The following NRXN1 variants were observed in gnomAD, a reference collection of about 807,000 sequenced individuals.
NRXN1 encodes the protein neurexin-1.
Under a neutral mutation model 150.9 loss-of-function variants are expected in NRXN1, and 39 were observed. The observed-to-expected ratio is 0.26, with a 90% CI of 0.20 to 0.34. The LOEUF (loss-of-function observed/expected upper bound fraction) is 0.34, where lower values mean the gene tolerates loss of function less well. Among genes scored for constraint, NRXN1 ranks in the 10% least tolerant of loss-of-function variants. NRXN1 has a pLI of 1.00. For missense variants in NRXN1, 1,815 were observed against 1,949.9 expected, an observed-to-expected ratio of 0.93 and a Z score of 1.30; for synonymous variants, 924 against 757.0, an observed-to-expected ratio of 1.22 and a Z score of -3.62.
At chr2:50,946,550 T>A (rs1690421634) in intron 2 of NRXN1, among the ~76,000 whole-genome samples, 1 of 152,188 alleles carries the variant, frequency 6.6e-6, no homozygotes, top group Non-Finnish European at 1.5e-5. Flanking sequence ...ACTGCCCTAC[T>A]AAACTTACAT....
At chr2:50,045,035 T>A (rs908112460) in intron 21 of NRXN1, among the ~76,000 whole-genome samples, 3 of 152,146 alleles carry the variant, frequency 2.0e-5, no homozygotes, top group African/African-American at 7.2e-5. Context: ...ATAACAAGAA[T>A]ACAGTGAAAG....
chr2:50,017,365 C>T (rs1046273709), intron 21 of NRXN1, among the ~76,000 whole-genome samples: 2 of 152,118 alleles, frequency 1.3e-5, no homozygotes, highest in African/African-American at 2.4e-5. Context: ...TAAACTGCCC[C>T]CTTGTCTCCA....
chr2:50,464,184 T>G (rs970159115), intron 17 of NRXN1, among the ~76,000 whole-genome samples: 4 of 151,816 alleles, frequency 2.6e-5, no homozygotes, highest in Non-Finnish European at 5.9e-5. Flanking sequence ...ATAGTTTGAA[T>G]ACATGTTTAT....
At chr2:50,074,418 G>A (rs1206640356) in intron 19 of NRXN1, among the ~76,000 whole-genome samples, 2 of 152,050 alleles carry the variant, frequency 1.3e-5, no homozygotes, top group Admixed American at 1.3e-4. Context: ...GAACATTCCA[G>A]ATTCAAATAT....
chr2:50,844,650 T>A (rs72838778), intron 5 of NRXN1, among the ~76,000 whole-genome samples: 11,250 of 152,280 alleles, frequency 0.074, 526 homozygotes, highest in Middle Eastern at 0.14. Flanking sequence ...ATTATGATAA[T>A]CCTTCCTGAA....
intron 18 of NRXN1, among the ~76,000 whole-genome samples, chr2:50,226,013 T>C (rs957281842): frequency 3.9e-5 from 6 of 152,028 alleles, no homozygotes; most frequent in African/African-American, 1.2e-4. Context: ...GGCAGAGTTA[T>C]CTCGTTCAGC....
rs748051184 is a variant in NRXN1, at chr2:50,236,985, C to T, written c.3365-15G>A. The T allele has an allele frequency of 2.5e-6, 4 of 1,612,558 alleles. No individual in the cohort carries two copies. In the Admixed American group the frequency reaches 5.0e-5, roughly 20 times the overall value. On this transcript the variant is annotated splice_polypyrimidine_tract_variant and intron_variant, in intron 17 of 22. Transcript: ENST00000401669. ...TGTCGTCCCAGCTGGAAAACAAAAACCAAAACCAATTAGTCCAAATACATC... is the reference window on the plus strand; with the variant it reads ...TGTCGTCCCAGCTGGAAAACAAAAATCAAAACCAATTAGTCCAAATACATC...
At chr2:50,927,894 A>G (rs1687145453) in intron 2 of NRXN1, among the ~76,000 whole-genome samples, 1 of 151,956 alleles carries the variant, frequency 6.6e-6, no homozygotes, top group South Asian at 2.1e-4. Context: ...AAAAGGAAAG[A>G]AAAGCAAACC....
chr2:50,610,638 G>GATATATATATATATATATATAT (rs1573776539), intron 8 of NRXN1, among the ~76,000 whole-genome samples: 2 of 29,570 alleles, frequency 6.8e-5, no homozygotes, highest in Non-Finnish European at 1.4e-4. Context: ...ACTATAAATA[G>GATATATATATATATATATATAT]ATACATATAT....
At chr2:50,813,577 A>C (rs1276155467) in intron 5 of NRXN1, among the ~76,000 whole-genome samples, 3 of 152,212 alleles carry the variant, frequency 2.0e-5, no homozygotes, top group African/African-American at 7.2e-5. Flanking sequence ...TCATTTGATC[A>C]TCAACCTTGT....
Position 50,254,908 on chromosome 2 carries a change from G to A in NRXN1, c.3365-17938C>T, listed in dbSNP as rs184622325. Reference sequence around the variant, plus strand: ...TGCAGGCTCGACCTCCTGAACTCAAGAGATCCTCCCACCTCAGCCTCCCAG... The same window carrying A: ...TGCAGGCTCGACCTCCTGAACTCAAAAGATCCTCCCACCTCAGCCTCCCAG... On this transcript the variant is annotated intron_variant, in intron 17 of 22. Coordinates refer to ENST00000401669, the MANE Select transcript of NRXN1 (RefSeq NM_001330078.2). 2.6e-5 allele frequency among the ~76,000 whole-genome samples: 4 copies of A among 152,132 alleles called. No homozygotes were observed. The East Asian group carries it at 7.8e-4, about 30-fold the overall frequency.
At chr2:50,160,106 C>A (rs543491330) in intron 18 of NRXN1, among the ~76,000 whole-genome samples, 6 of 152,112 alleles carry the variant, frequency 3.9e-5, no homozygotes, top group African/African-American at 1.2e-4. Flanking sequence ...TCGGGCCAAA[C>A]CTTCATGGCT....
chr2:50,340,703 T>C (rs772818933), intron 17 of NRXN1, among the ~76,000 whole-genome samples: 1 of 152,048 alleles, frequency 6.6e-6, no homozygotes, highest in Non-Finnish European at 1.5e-5. Context: ...AGAGGTCTGC[T>C]AGTCCAATTT....
intron 5 of NRXN1, chr2:50,632,843 T>C (rs897269239): frequency 1.3e-5 from 2 of 152,052 alleles, no homozygotes; most frequent in Non-Finnish European, 2.9e-5. Context: ...CAGAGAGCTC[T>C]GATCAGTGTG....
chr2:50,731,239 G>C (rs1698063962), intron 5 of NRXN1, among the ~76,000 whole-genome samples: 2 of 151,982 alleles, frequency 1.3e-5, no homozygotes, highest in Admixed American at 1.3e-4. Context: ...AAAATGACAA[G>C]AAATGGAAAT....
At chr2:50,829,650 C>T (rs1056069667) in intron 5 of NRXN1, 16 of 1,611,690 alleles carry the variant, frequency 9.9e-6, no homozygotes, top group Admixed American at 1.7e-5. Context: ...CAGGTTGGTA[C>T]GGGACGGCAT....
intron 17 of NRXN1, among the ~76,000 whole-genome samples, chr2:50,419,617 G>A (rs2083813287): frequency 6.6e-6 from 1 of 151,546 alleles, no homozygotes; most frequent in Non-Finnish European, 1.5e-5. Context: ...GAGAAGGAAG[G>A]AAAAAAGAAA....
chr2:50,860,772 G>C (rs1208299355), intron 5 of NRXN1, among the ~76,000 whole-genome samples: 1 of 152,090 alleles, frequency 6.6e-6, no homozygotes, highest in East Asian at 1.9e-4. Context: ...CCCAGAGTGA[G>C]AGAGGATAGG....
intron 2 of NRXN1, among the ~76,000 whole-genome samples, chr2:50,978,124 A>T (rs1239894795): frequency 6.6e-6 from 1 of 150,866 alleles, no homozygotes; most frequent in Non-Finnish European, 1.5e-5. Context: ...GTTCCAAAAT[A>T]TATATATTCA....
Sources: gnomAD v4.1 joint callset for allele counts (sites outside exome capture counted in the v4.1 genomes callset) on GRCh38, gnomAD v4.1.1 for gene constraint, MANE v1.5 for transcripts, NCBI Gene and HGNC (gene_info 2026-07-23, HGNC 2026-07-21) for gene names.